Variants in SDCBP observed in about 807,000 individuals in gnomAD.
SDCBP encodes the protein syntenin-1.
A neutral mutation model predicts 30.5 loss-of-function variants in SDCBP; 22 were observed. The observed-to-expected ratio is 0.72, with a 90% CI of 0.52 to 1.03. The LOEUF is 1.03. Among genes scored for constraint, SDCBP ranks in the 50% least tolerant of loss-of-function variants. The probability of loss-of-function intolerance (pLI) is 0.00; values close to 1 mark genes in which losing one functional copy is unlikely to be tolerated. For missense variants in SDCBP, 304 were observed against 369.9 expected (o/e 0.82, Z 1.46); for synonymous variants, 103 against 118.7 (o/e 0.87, Z 0.86).
intron 5 of SDCBP, 165 bp downstream of exon 5, chr8:58,576,226 T>C: frequency 1.7e-6 from 1 of 605,062 alleles, no homozygotes; most frequent in Non-Finnish European, 2.8e-6. Context: ...GGATGTTCTA[T>C]TTTGCAGAGG....
intron 2 of SDCBP, among the ~76,000 whole-genome samples, chr8:58,569,297 A>G (rs1804889448): frequency 7.4e-6 from 1 of 135,726 alleles, no homozygotes; most frequent in South Asian, 2.3e-4. Flanking sequence ...TGAACTCCTG[A>G]CTTCAGGTGA....
chr8:58,580,106 A>AT (rs540026346), intron 7 of SDCBP, among the ~76,000 whole-genome samples: 58 of 152,328 alleles, frequency 3.8e-4, no homozygotes, highest in Non-Finnish European at 7.4e-4. Flanking sequence ...AAGGAAATGA[A>AT]TAATAGTTTT....
Position 58,578,173 on chromosome 8 carries a change from T to C in SDCBP, c.543T>C (p.Ala181=). 6.3e-7 allele frequency: 1 copy of C among 1,593,840 alleles called. No individual in the cohort carries two copies. Among genetic ancestry groups the C allele is most frequent in the Non-Finnish European group, 8.5e-7 (1 of 1,172,084 alleles). The stretch of plus-strand genomic sequence containing the variant: ...AAGCGCACAAGGTGCTCAAACAGGC[T>C]TTTGGAGAGAAGATTACCATGACCA... ...SDKAHKVLKQ[A]FGEKITMTIR... is the part of the protein sequence containing the mutation. The change falls in exon 6 of 9, where the codon GCT becomes GCC. Residue 181 remains alanine, a synonymous_variant. Coordinates refer to ENST00000260130, the MANE Select transcript of SDCBP (RefSeq NM_005625.4).
chr8:58,574,581 T>A (rs893390690), intron 4 of SDCBP, among the ~76,000 whole-genome samples: 6 of 152,214 alleles, frequency 3.9e-5, no homozygotes, highest in African/African-American at 1.4e-4. Context: ...TCTTCTGTTC[T>A]ATTTTAAATT....
intron 4 of SDCBP, 79 bp downstream of exon 4, chr8:58,572,393 A>G (rs1276131157): frequency 2.2e-6 from 2 of 926,346 alleles, no homozygotes; most frequent in Admixed American, 1.8e-5. Context: ...TTTGTGGCTA[A>G]CTCACAGATA....
At chr8:58,564,958 C>A in intron 1 of SDCBP, 61 bp from the exon 2 acceptor site, 1 of 842,226 alleles carries the variant, frequency 1.2e-6, no homozygotes, top group Admixed American at 2.3e-5. Context: ...CTGTGGTTAG[C>A]TGTGTATACT....
At chr8:58,570,353 C>T (rs1407152020) in intron 2 of SDCBP, among the ~76,000 whole-genome samples, 3 of 152,114 alleles carry the variant, frequency 2.0e-5, no homozygotes, top group African/African-American at 7.2e-5. Context: ...GTGCTATTTT[C>T]ATAATTTCTG....
At chr8:58,576,897 GA>G (rs1282782950) in intron 5 of SDCBP, among the ~76,000 whole-genome samples, 2 of 152,180 alleles carry the variant, frequency 1.3e-5, no homozygotes, top group African/African-American at 4.8e-5. Context: ...ATCTTGGCAG[GA>G]GGCCCCCGCC....
chr8:58,580,449 C>G, intron 7 of SDCBP, 68 bp from the exon 8 acceptor site: 1 of 787,964 alleles, frequency 1.3e-6, no homozygotes, highest in Non-Finnish European at 2.2e-6. Context: ...TTTACCAAGA[C>G]TGGCATAGTT....
chr8:58,572,800 C>CTTTTTTTTTTTTTTTTTTTT (rs947602204), intron 4 of SDCBP, among the ~76,000 whole-genome samples: 1 of 83,140 alleles, frequency 1.2e-5, no homozygotes, highest in Non-Finnish European at 2.2e-5. Context: ...TGCTCATAAT[C>CTTTTTTTTTTTTTTTTTTTT]TTTTTTTTTT....
intron 2 of SDCBP, 52 bp from the exon 3 acceptor site, chr8:58,570,835 A>G (rs1033919333): frequency 3.4e-6 from 4 of 1,186,918 alleles, no homozygotes; most frequent in South Asian, 1.3e-5. Flanking sequence ...ATTATATAAG[A>G]ATATAAAGTA....
chr8:58,579,528 A>G lies in SDCBP; in HGVS notation c.579-95A>G, dbSNP rs1199930938. On this transcript the variant is annotated intron_variant, in intron 6 of 8. Transcript: ENST00000260130. ...TCTTATTAGAAACAGTGTTTATTATAAAAGTATCCAATATGGCAACATTTA... is the reference window on the plus strand; with the variant it reads ...TCTTATTAGAAACAGTGTTTATTATGAAAGTATCCAATATGGCAACATTTA... 4 of 886,324 alleles carry G rather than the reference A, an allele frequency of 4.5e-6. No homozygotes were observed. In the East Asian group the frequency reaches 1.2e-4, roughly 27 times the overall value. The allele number at this position is 886,324 out of a possible 1,614,324, so 54.9% of individuals were successfully genotyped here.
chr8:58,581,558 C>A, intron 8 of SDCBP, 128 bp from the exon 9 acceptor site: 1 of 683,914 alleles, frequency 1.5e-6, no homozygotes, highest in Admixed American at 2.3e-5. Flanking sequence ...AAGATCTTTC[C>A]CTTCTCTCCA....
At chr8:58,570,293 G>C (rs1804943641) in intron 2 of SDCBP, among the ~76,000 whole-genome samples, 1 of 152,150 alleles carries the variant, frequency 6.6e-6, no homozygotes, top group Non-Finnish European at 1.5e-5. Context: ...TTGTTTAACA[G>C]TTACAAATTA....
intron 5 of SDCBP, chr8:58,576,302 T>A (rs1282468862): frequency 2.6e-6 from 1 of 390,842 alleles, no homozygotes; most frequent in East Asian, 4.5e-5. Flanking sequence ...CTAACTGGAA[T>A]ACATTTCACT....
intron 2 of SDCBP, 62 bp from the exon 3 acceptor site, chr8:58,570,825 A>G (rs543059153): frequency 6.5e-5 from 73 of 1,129,014 alleles, no homozygotes; most frequent in Middle Eastern, 5.8e-4. Flanking sequence ...TAGCTTATAA[A>G]TTATATAAGA....
intron 6 of SDCBP, chr8:58,578,474 A>G: frequency 3.8e-6 from 1 of 263,718 alleles, no homozygotes; most frequent in Non-Finnish European, 7.2e-6. Flanking sequence ...GTTGCAGGGC[A>G]TCTCTGGGCT....
rs1805726756 is a variant in SDCBP at position 58,582,187 on chromosome 8, T to C, written c.*447T>C. The C allele has an allele frequency of 6.4e-6, 1 of 156,702 alleles. No homozygotes were observed. The highest frequency in any genetic ancestry group is 1.4e-5 in the Non-Finnish European group (1 of 70,972). 9.7% of individuals were successfully genotyped at this position (156,702 alleles called of 1,614,324 possible). ...TAGAATGATTGCCTTTGATTTTTTT[T>C]TTAAATTCTGTGTGTGTGTGTGTAA... On this transcript the variant is annotated 3_prime_UTR_variant, in exon 9 of 9. Coordinates refer to ENST00000260130, the MANE Select transcript of SDCBP (RefSeq NM_005625.4).
chr8:58,565,109 C>T (rs202009450), intron 2 of SDCBP, 25 bp downstream of exon 2: 6 of 1,294,430 alleles, frequency 4.6e-6, no homozygotes, highest in Non-Finnish European at 6.6e-6. Context: ...ATACTTTTGT[C>T]AAAACAAACA....
Sources: gnomAD v4.1 joint callset for allele counts (sites outside exome capture counted in the v4.1 genomes callset) on GRCh38, gnomAD v4.1.1 for gene constraint, MANE v1.5 for transcripts, NCBI Gene and HGNC (gene_info 2026-07-23, HGNC 2026-07-21) for gene names.